Variants in MITD1 observed in about 807,000 individuals in gnomAD.
MITD1 encodes MIT domain-containing protein 1.
Under a neutral mutation model 34.9 loss-of-function variants are expected in MITD1, and 24 were observed. The ratio of observed to expected loss-of-function variants is 0.69; its 90% CI spans 0.50 to 0.97. The LOEUF (loss-of-function observed/expected upper bound fraction) is 0.97. Among genes scored for constraint, MITD1 ranks in the 50% least tolerant of loss-of-function variants. The pLI, the probability that MITD1 is intolerant of heterozygous loss-of-function variation, is 0.00. For missense variants in MITD1, 266 were observed against 294.6 expected, an observed-to-expected ratio of 0.90 and a Z score of 0.71; for synonymous variants, 102 against 101.4, an observed-to-expected ratio of 1.01 and a Z score of -0.04.
At position 99,170,595 on chromosome 2, in the gene MITD1, T is replaced by G; in HGVS notation, c.535A>C (p.Ser179Arg). ...GLQEIEESLRSHGVLLEVQYS... is the reference protein window; with the variant it reads ...GLQEIEESLRRHGVLLEVQYS... ...TGAACTTCCAACAGCACTCCGTGAC[T>G]CCTGAGTGACTCTTCTATTTCTTGC... Residue 179 changes from serine (S) to arginine (R), a missense_variant, in exon 5 of 7, where the codon AGT becomes CGT. Ser to Arg is a moderately radical substitution (Grantham distance 110). Transcript: ENST00000289359. 1 of 1,609,360 alleles carries G rather than the reference T, an allele frequency of 6.2e-7. No individual in the cohort carries two copies. The highest frequency in any genetic ancestry group is 8.5e-7 in the Non-Finnish European group (1 of 1,176,178).
chr2:99,175,679 C>G (rs772121838), intron 1 of MITD1, among the ~76,000 whole-genome samples: 1 of 152,172 alleles, frequency 6.6e-6, no homozygotes, highest in Non-Finnish European at 1.5e-5. Flanking sequence ...GTTGATGGTC[C>G]TTGCCTGCAA....
At chr2:99,176,335 CT>C (rs34969455) in intron 1 of MITD1, among the ~76,000 whole-genome samples, 83 of 143,632 alleles carry the variant, frequency 5.8e-4, no homozygotes, top group African/African-American at 7.2e-4. Context: ...AATTCATAAA[CT>C]TTTTTTTTTT....
At chr2:99,164,881 T>TGG (rs1200687617), downstream of MITD1, among the ~76,000 whole-genome samples, 11 of 137,996 alleles carry the variant, frequency 8.0e-5, no homozygotes, top group East Asian at 2.3e-4. Flanking sequence ...GCAAAGGGTG[T>TGG]TAAGGGCTTC....
At chr2:99,173,830 G>T in intron 2 of MITD1, 85 bp downstream of exon 2, 1 of 833,952 alleles carries the variant, frequency 1.2e-6, no homozygotes, top group Non-Finnish European at 2.0e-6. Flanking sequence ...ACCACACAGA[G>T]CTCCAAAGGG....
downstream of MITD1, among the ~76,000 whole-genome samples, chr2:99,165,037 C>CAA (rs2093821080): frequency 7.3e-6 from 1 of 137,584 alleles, no homozygotes; most frequent in Non-Finnish European, 1.6e-5. Flanking sequence ...CACACACACA[C>CAA]ACACACACAC....
downstream of MITD1, among the ~76,000 whole-genome samples, chr2:99,165,061 C>CAT (rs1553515881): frequency 0.046 from 6,279 of 135,034 alleles, 186 homozygotes; most frequent in African/African-American, 0.062. Context: ...CACACACACA[C>CAT]ATATATATAT....
chr2:99,171,702 T>A (rs1574827942), intron 2 of MITD1, 56 bp from the exon 3 acceptor site: 1 of 1,495,764 alleles, frequency 6.7e-7, no homozygotes, highest in East Asian at 2.3e-5. Context: ...TTTACACATT[T>A]TATATTTTAT....
chr2:99,178,840 A>G (rs1179996563), intron 1 of MITD1, among the ~76,000 whole-genome samples: 2 of 152,164 alleles, frequency 1.3e-5, no homozygotes, highest in African/African-American at 2.4e-5. Flanking sequence ...GCCATCCTCA[A>G]TGTGATCCAA....
At chr2:99,163,171 A>T in intron 7 of MITD1, 20 of 699,984 alleles carry the variant, frequency 2.9e-5, no homozygotes, top group South Asian at 6.7e-5. Flanking sequence ...AGTCTCTTTT[A>T]GTAACGTCAA....
At chr2:99,180,684 A>G in intron 1 of MITD1, 147 bp downstream of exon 1, 2 of 707,876 alleles carry the variant, frequency 2.8e-6, no homozygotes, top group South Asian at 3.5e-5. Flanking sequence ...AAAGCGGCCC[A>G]GTTGTCCTAT....
chr2:99,164,132 T>A (rs1422773702), intron 7 of MITD1, among the ~76,000 whole-genome samples: 1 of 152,222 alleles, frequency 6.6e-6, no homozygotes, highest in Non-Finnish European at 1.5e-5. Flanking sequence ...TTATGTATCT[T>A]TCTGCTGGTG....
chr2:99,179,435 C>G (rs1028471138), intron 1 of MITD1, among the ~76,000 whole-genome samples: 1 of 152,142 alleles, frequency 6.6e-6, no homozygotes, highest in Non-Finnish European at 1.5e-5. Flanking sequence ...ACGGATGAAA[C>G]GAGATCATGC....
At chr2:99,171,234 C>A in intron 4 of MITD1, 109 bp downstream of exon 4, 1 of 802,406 alleles carries the variant, frequency 1.2e-6, no homozygotes, top group Non-Finnish European at 2.1e-6. Flanking sequence ...AGTTAATTCC[C>A]AAGGAAACAA....
chr2:99,162,172 T>C, exon 8 of MITD1: 1 of 1,614,062 alleles, frequency 6.2e-7, no homozygotes, highest in Middle Eastern at 1.6e-4. Flanking sequence ...TCTCCCTCTG[T>C]TGTAATTGGT....
At chr2:99,171,291 C>T in intron 4 of MITD1, 52 bp downstream of exon 4, 1 of 1,370,916 alleles carries the variant, frequency 7.3e-7, no homozygotes, top group Non-Finnish European at 1.0e-6. Flanking sequence ...TGGACTACAT[C>T]TTGTAACTGA....
intron 1 of MITD1, among the ~76,000 whole-genome samples, chr2:99,177,464 C>T (rs1372865457): frequency 6.6e-6 from 1 of 151,968 alleles, no homozygotes; most frequent in Non-Finnish European, 1.5e-5. Flanking sequence ...TAATGGGGTA[C>T]AATGTGATGT....
downstream of MITD1, among the ~76,000 whole-genome samples, chr2:99,168,713 G>C (rs2093838011): frequency 6.6e-6 from 1 of 152,168 alleles, no homozygotes; most frequent in South Asian, 2.1e-4. Flanking sequence ...GTTTACCAAA[G>C]ACAATTCTCT....
chr2:99,173,737 C>T, intron 2 of MITD1, 178 bp downstream of exon 2: 1 of 628,420 alleles, frequency 1.6e-6, no homozygotes, highest in Non-Finnish European at 2.8e-6. Context: ...AACAAACAAA[C>T]AAACAAAAAA....
chr2:99,169,761 A>G, intron 5 of MITD1, 151 bp from the exon 6 acceptor site: 1 of 584,922 alleles, frequency 1.7e-6, no homozygotes, highest in Non-Finnish European at 3.0e-6. Flanking sequence ...GGGGTTCATT[A>G]TGAGCTGTGT....
Sources: allele counts gnomAD v4.1 joint callset (sites outside exome capture counted in the v4.1 genomes callset), GRCh38; gene constraint gnomAD v4.1.1; transcripts MANE v1.5; gene names NCBI Gene and HGNC (gene_info 2026-07-23, HGNC 2026-07-21).